RBL1: variants seen among roughly 807,000 people sequenced by gnomAD.
The protein encoded by RBL1 is retinoblastoma-like protein 1.
RBL1 carries 82 observed loss-of-function variants against 123.0 expected under a neutral mutation model. That is an observed-to-expected ratio of 0.67 (90% CI 0.56 to 0.80). RBL1 has a LOEUF of 0.80. Ranked by LOEUF, RBL1 falls within the 30% of genes least tolerant of loss-of-function variation. The pLI, the probability that RBL1 is intolerant of heterozygous loss-of-function variation, is 0.00. For synonymous variants in RBL1, 405 were observed against 441.3 expected, an observed-to-expected ratio of 0.92 and a Z score of 1.03; for missense variants, 1,171 against 1,299.6, an observed-to-expected ratio of 0.90 and a Z score of 1.52.
At chr20:37,005,050 A>C (rs549789375) in intron 20 of RBL1, among the ~76,000 whole-genome samples, 2 of 152,142 alleles carry the variant, frequency 1.3e-5, no homozygotes, top group East Asian at 3.9e-4. Flanking sequence ...CAAAAGAAAA[A>C]AAAAATTCTG....
chr20:37,014,699 G>A (rs1451937307), intron 19 of RBL1, among the ~76,000 whole-genome samples: 4 of 152,002 alleles, frequency 2.6e-5, no homozygotes. Context: ...GGGAGGTCAA[G>A]GCTGCAGTGA....
At chr20:37,060,766 T>C (rs1032187189) in intron 9 of RBL1, among the ~76,000 whole-genome samples, 2 of 150,548 alleles carry the variant, frequency 1.3e-5, no homozygotes, top group African/African-American at 2.4e-5. Context: ...CTGGGAGACA[T>C]AGCGAGACCC....
At chr20:37,077,448 C>T (rs1416475546) in intron 2 of RBL1, among the ~76,000 whole-genome samples, 1 of 152,096 alleles carries the variant, frequency 6.6e-6, no homozygotes, top group Non-Finnish European at 1.5e-5. Context: ...ATCCAATCAG[C>T]TGAAGGTCTT....
At chr20:37,051,393 C>A (rs985492094) in intron 11 of RBL1, among the ~76,000 whole-genome samples, 2 of 152,166 alleles carry the variant, frequency 1.3e-5, no homozygotes, top group Non-Finnish European at 2.9e-5. Context: ...GTTGGTCAGG[C>A]TGGTCTAGAA....
At chr20:37,027,625 T>C (rs2064447351) in intron 16 of RBL1, among the ~76,000 whole-genome samples, 3 of 152,362 alleles carry the variant, frequency 2.0e-5, no homozygotes, top group East Asian at 1.9e-4. Flanking sequence ...TCGTAAGAGA[T>C]AGGACAAATT....
At chr20:37,081,663 A>G (rs1002603627) in intron 2 of RBL1, among the ~76,000 whole-genome samples, 1 of 152,154 alleles carries the variant, frequency 6.6e-6, no homozygotes, top group Non-Finnish European at 1.5e-5. Flanking sequence ...TGTCTCTAAA[A>G]AACAAAAACA....
At chr20:37,051,057 G>A (rs1307053094) in intron 11 of RBL1, among the ~76,000 whole-genome samples, 4 of 151,652 alleles carry the variant, frequency 2.6e-5, no homozygotes, top group African/African-American at 7.3e-5. Flanking sequence ...ATGTTGCCTA[G>A]GTTGGAGGAC....
chr20:37,023,116 TA>T (rs1338883891), intron 16 of RBL1, among the ~76,000 whole-genome samples: 1 of 152,014 alleles, frequency 6.6e-6, no homozygotes, highest in African/African-American at 2.4e-5. Context: ...TATGAACATA[TA>T]ATTTTTCCTT....
chr20:37,072,009 G>A (rs1600580703), intron 2 of RBL1, among the ~76,000 whole-genome samples: 2 of 152,052 alleles, frequency 1.3e-5, no homozygotes, highest in Admixed American at 6.6e-5. Flanking sequence ...TCATAGCAAC[G>A]TAAAACGTCC....
intron 2 of RBL1, among the ~76,000 whole-genome samples, chr20:37,073,930 C>A (rs1222595092): frequency 2.0e-5 from 3 of 151,576 alleles, no homozygotes; most frequent in Admixed American, 1.3e-4. Context: ...CACAGTGAAA[C>A]CCCGTCTCTA....
At chr20:37,049,388 TGCTG>T in intron 11 of RBL1, 2 of 726,306 alleles carry the variant, frequency 2.8e-6, no homozygotes, top group Non-Finnish European at 2.5e-6. Flanking sequence ...GACTAATATT[TGCTG>T]GCAAGCAACT....
chr20:37,045,130 G>A lies in RBL1; in HGVS notation c.1606-880C>T, dbSNP rs544103245. ...TTTATTTATTTATTTATTTTGAGACGGAGTCTCACTCTGTCACCCAGGCTG... is the reference window on the plus strand; with the variant it reads ...TTTATTTATTTATTTATTTTGAGACAGAGTCTCACTCTGTCACCCAGGCTG... On this transcript the variant is annotated intron_variant, in intron 12 of 21. Transcript: ENST00000373664. 2.3e-3 allele frequency among the ~76,000 whole-genome samples: 328 copies of A among 139,870 alleles called. 1 individual carries two copies. The highest frequency in any genetic ancestry group is 8.4e-3 in the African/African-American group (319 of 37,848). 91.8% of individuals were successfully genotyped at this position (139,870 alleles called of 152,430 possible).
At chr20:37,008,169 G>A (rs1028628950) in intron 19 of RBL1, among the ~76,000 whole-genome samples, 4 of 152,196 alleles carry the variant, frequency 2.6e-5, no homozygotes, top group African/African-American at 9.7e-5. Context: ...GCCCTGGGCT[G>A]GTGTTTAGCT....
In RBL1 at chr20:37,018,300, C is replaced by T. The variant is rs1219721449; in HGVS notation, c.2701G>A (p.Asp901Asn). The part of the protein sequence containing the change: ...VVAYNKNIND[D>N]FEMIDCDLED... The stretch of plus-strand genomic sequence containing the variant: ...TTACCACAATCTATCATTTCAAAGT[C>T]ATCATTTATATTTTTATTATATGCC... Residue 901 changes from aspartate to asparagine, a missense_variant, in exon 19 of 22, where the codon GAC (aspartate) becomes AAC (asparagine). Asp to Asn is a conservative substitution (Grantham distance 23). Transcript: ENST00000373664. The T allele has an allele frequency of 6.2e-7, 1 of 1,610,532 alleles. No homozygotes were observed. The highest frequency in any genetic ancestry group is 1.7e-5 in the Admixed American group (1 of 59,176).
In RBL1 at chr20:36,998,948, C is replaced by A; in HGVS notation, c.3037-19G>T. 1 of 1,600,206 alleles carries A rather than the reference C, an allele frequency of 6.2e-7. No individual in the cohort carries two copies. ...TCAAACTCTGTGCAGAAATAGAGAA[C>A]GTGTGTGAGTAAAAGAGGGAGAGGG... is the stretch of plus-strand genomic sequence containing the variant. On this transcript the variant is annotated intron_variant, in intron 21 of 21. Transcript: ENST00000373664.
chr20:37,072,812 T>A (rs2065303210), intron 2 of RBL1, among the ~76,000 whole-genome samples: 1 of 152,226 alleles, frequency 6.6e-6, no homozygotes, highest in Non-Finnish European at 1.5e-5. Context: ...CCCTGCTAGA[T>A]GGATTCTGTG....
In RBL1 at chr20:37,073,705, GAAAAA is replaced by G. The variant is rs796752326; in HGVS notation, c.291-5524_291-5520del. ...AGAGTGAGATCCTGTCTCAAAAAAA[GAAAAA>G]AAAAAAAAAAAAGAATACACTACTC... is the stretch of plus-strand genomic sequence containing the variant. On this transcript the variant is annotated intron_variant, in intron 2 of 21. Coordinates refer to ENST00000373664, the MANE Select transcript of RBL1 (RefSeq NM_002895.5). Among the ~76,000 whole-genome samples, 11 of 103,152 alleles carry G rather than the reference GAAAAA, an allele frequency of 1.1e-4. 1 individual carries two copies. Among genetic ancestry groups the G allele is most frequent in the African/African-American group, 3.8e-4 (10 of 26,264 alleles). The allele number at this position is 103,152 out of a possible 152,430, so 67.7% of individuals were successfully genotyped here.
At chr20:37,074,193 G>C (rs527348416) in intron 2 of RBL1, among the ~76,000 whole-genome samples, 5 of 151,902 alleles carry the variant, frequency 3.3e-5, no homozygotes, top group Non-Finnish European at 5.9e-5. Flanking sequence ...CAGGAAGATA[G>C]CTTTGAGTCC....
chr20:37,074,731 A>T (rs530987264), intron 2 of RBL1, among the ~76,000 whole-genome samples: 88 of 151,956 alleles, frequency 5.8e-4, no homozygotes, highest in Non-Finnish European at 1.1e-3. Context: ...AGGCTGAGGC[A>T]CAAGAATCGT....
Sources: gnomAD v4.1 joint callset for allele counts (sites outside exome capture counted in the v4.1 genomes callset) on GRCh38, gnomAD v4.1.1 for gene constraint, MANE v1.5 for transcripts, NCBI Gene and HGNC (gene_info 2026-07-23, HGNC 2026-07-21) for gene names.